NEK11: variants seen among roughly 807,000 people sequenced by gnomAD.
The protein encoded by NEK11 is serine/threonine-protein kinase Nek11.
NEK11 carries 72 observed loss-of-function variants against 80.7 expected under a neutral mutation model. That is an observed-to-expected ratio of 0.89 (90% CI 0.74 to 1.08). NEK11 has a LOEUF of 1.08. Among genes scored for constraint, NEK11 ranks in the 50% least tolerant of loss-of-function variants. The probability of loss-of-function intolerance (pLI) is 0.00; values close to 1 mark genes in which losing one functional copy is unlikely to be tolerated. For synonymous variants in NEK11, 251 were observed against 260.7 expected (o/e 0.96, Z 0.36); for missense variants, 764 against 763.6 (o/e 1.00, Z -0.01).
intron 14 of NEK11, among the ~76,000 whole-genome samples, chr3:131,205,446 C>T (rs2094415582): frequency 6.6e-6 from 1 of 152,090 alleles, no homozygotes; most frequent in Non-Finnish European, 1.5e-5. Flanking sequence ...AAAAAGGCTC[C>T]AGTATAGCAG....
chr3:131,320,729 T>C (rs956505763), intron 17 of NEK11, among the ~76,000 whole-genome samples: 1 of 151,976 alleles, frequency 6.6e-6, no homozygotes, highest in Non-Finnish European at 1.5e-5. Flanking sequence ...CAATGCTAGT[T>C]CATAAGGCAA....
At chr3:131,303,085 C>A (rs557975081) in intron 17 of NEK11, among the ~76,000 whole-genome samples, 3 of 152,072 alleles carry the variant, frequency 2.0e-5, no homozygotes, top group East Asian at 1.9e-4. Context: ...TTATGTAGTG[C>A]CCTTCTTTGT....
chr3:131,117,723 TA>T (rs2081531557), intron 5 of NEK11, among the ~76,000 whole-genome samples: 1 of 152,188 alleles, frequency 6.6e-6, no homozygotes, highest in South Asian at 2.1e-4. Context: ...CTAGGTATTT[TA>T]TTCTCTTTGA....
At chr3:131,175,919 T>C (rs1254952437) in intron 14 of NEK11, among the ~76,000 whole-genome samples, 2 of 152,224 alleles carry the variant, frequency 1.3e-5, no homozygotes, top group Non-Finnish European at 1.5e-5. Context: ...GGGTATCACC[T>C]GGGACACAAA....
chr3:131,045,134 T>A (rs2067195175), intron 3 of NEK11, among the ~76,000 whole-genome samples: 1 of 152,148 alleles, frequency 6.6e-6, no homozygotes, highest in Non-Finnish European at 1.5e-5. Context: ...TAGAGGGAAA[T>A]TTATAGCACT....
intron 17 of NEK11, among the ~76,000 whole-genome samples, chr3:131,332,300 G>C (rs962795474): frequency 2.9e-4 from 44 of 152,334 alleles, no homozygotes; most frequent in Non-Finnish European, 4.9e-4. Context: ...AGCAGCATTC[G>C]TGGTTCACGA....
chr3:131,155,079 A>G lies in NEK11; in HGVS notation c.920A>G (p.Asn307Ser). The change falls in exon 10 of 18, where the codon AAT becomes AGT. Residue 307 changes from asparagine (N) to serine (S), a missense_variant. Asn to Ser is a conservative substitution (Grantham distance 46). Transcript: ENST00000383366. ...RYSEMTLEDK[N>S]LDCQKEAAHI... ...TCAGAAATGACTCTGGAAGACAAAA[A>G]TTTGGATTGTCAGAAGGAGGCTGCT... 1 of 1,613,024 alleles carries G rather than the reference A, an allele frequency of 6.2e-7. No homozygotes were observed. The highest frequency in any genetic ancestry group is 8.5e-7 in the Non-Finnish European group (1 of 1,179,002).
chr3:131,244,084 G>C (rs1346146753), intron 16 of NEK11, among the ~76,000 whole-genome samples: 1 of 151,754 alleles, frequency 6.6e-6, no homozygotes, highest in African/African-American at 2.4e-5. Context: ...CTTACTAGAT[G>C]AAAAGGGCTG....
chr3:131,095,737 T>C (rs2149205375), intron 4 of NEK11, among the ~76,000 whole-genome samples: 1 of 152,266 alleles, frequency 6.6e-6, no homozygotes, highest in South Asian at 2.1e-4. Context: ...AACATCTCTC[T>C]TTTTTATAAG....
intron 17 of NEK11, among the ~76,000 whole-genome samples, chr3:131,332,857 A>G (rs1308529284): frequency 2.6e-5 from 4 of 152,222 alleles, no homozygotes; most frequent in Non-Finnish European, 5.9e-5. Context: ...GACTGGAAGA[A>G]AGGGTATCAG....
intron 17 of NEK11, among the ~76,000 whole-genome samples, chr3:131,306,903 C>G (rs1315308772): frequency 6.6e-6 from 1 of 152,086 alleles, no homozygotes; most frequent in African/African-American, 2.4e-5. Context: ...GTTTTCCTAC[C>G]CCAGCACTGG....
At chr3:131,206,805 G>C (rs1400784575) in intron 14 of NEK11, among the ~76,000 whole-genome samples, 1 of 152,092 alleles carries the variant, frequency 6.6e-6, no homozygotes, top group Non-Finnish European at 1.5e-5. Context: ...TTTATATTAG[G>C]TATTTCTCCT....
chr3:131,097,126 G>A (rs962435658), intron 4 of NEK11, among the ~76,000 whole-genome samples: 171 of 151,626 alleles, frequency 1.1e-3, no homozygotes, highest in South Asian at 3.3e-3. Context: ...TCTTAATCCA[G>A]TCTATCATTG....
At chr3:131,114,417 C>T (rs769120939) in intron 5 of NEK11, among the ~76,000 whole-genome samples, 2 of 152,202 alleles carry the variant, frequency 1.3e-5, no homozygotes, top group Admixed American at 6.5e-5. Flanking sequence ...CAGCAGCAAT[C>T]ATTTCCTGCT....
intron 10 of NEK11, among the ~76,000 whole-genome samples, chr3:131,158,549 CTGAG>C (rs1468053991): frequency 6.6e-6 from 1 of 152,188 alleles, no homozygotes; most frequent in Non-Finnish European, 1.5e-5. Flanking sequence ...CTTCCCTGCC[CTGAG>C]TGGCCACCCC....
intron 7 of NEK11, among the ~76,000 whole-genome samples, chr3:131,141,178 C>T (rs1296158799): frequency 2.6e-5 from 4 of 151,950 alleles, no homozygotes; most frequent in South Asian, 2.1e-4. Context: ...AGGGAAGAGA[C>T]GTGAAGACAT....
intron 5 of NEK11, among the ~76,000 whole-genome samples, chr3:131,123,900 A>C (rs541169532): frequency 1.3e-5 from 2 of 152,266 alleles, no homozygotes; most frequent in Non-Finnish European, 2.9e-5. Flanking sequence ...GAGAAAATTT[A>C]TTACCTTGCC....
chr3:131,160,406 C>T (rs1304661036), intron 10 of NEK11, among the ~76,000 whole-genome samples: 1 of 152,136 alleles, frequency 6.6e-6, no homozygotes, highest in Non-Finnish European at 1.5e-5. Flanking sequence ...CCAGACCTGC[C>T]TTATAAGACC....
intron 15 of NEK11, among the ~76,000 whole-genome samples, chr3:131,237,735 T>A (rs1197376206): frequency 6.6e-6 from 1 of 152,142 alleles, no homozygotes; most frequent in Non-Finnish European, 1.5e-5. Flanking sequence ...AAGCCCCTCA[T>A]ATACTCTACC....
Sources: gnomAD v4.1 joint callset for allele counts (sites outside exome capture counted in the v4.1 genomes callset) on GRCh38, gnomAD v4.1.1 for gene constraint, MANE v1.5 for transcripts, NCBI Gene and HGNC (gene_info 2026-07-23, HGNC 2026-07-21) for gene names.